HS6ST3: variants seen among roughly 807,000 people sequenced by gnomAD.
The protein encoded by HS6ST3 is heparan sulfate 6-O-sulfotransferase 3, also known as heparan-sulfate 6-O-sulfotransferase 3.
Under a neutral mutation model 36.7 loss-of-function variants are expected in HS6ST3, and 12 were observed. The ratio of observed to expected loss-of-function variants is 0.33; its 90% CI spans 0.21 to 0.53. The LOEUF (loss-of-function observed/expected upper bound fraction) is 0.53, where lower values mean the gene tolerates loss of function less well. HS6ST3 is among the 20% of genes least tolerant of loss of function. The pLI is 0.95. For missense variants in HS6ST3, 584 were observed against 640.9 expected, an observed-to-expected ratio of 0.91 and a Z score of 0.96; for synonymous variants, 240 against 257.5, an observed-to-expected ratio of 0.93 and a Z score of 0.65.
At chr13:96,150,627 T>G (rs2054080628) in intron 1 of HS6ST3, among the ~76,000 whole-genome samples, 1 of 152,300 alleles carries the variant, frequency 6.6e-6, no homozygotes, top group African/African-American at 2.4e-5. Context: ...AAAATGATTC[T>G]TCTGTCATTT....
chr13:96,758,603 C>G (rs949952322), intron 1 of HS6ST3, among the ~76,000 whole-genome samples: 2 of 151,814 alleles, frequency 1.3e-5, no homozygotes, highest in African/African-American at 4.8e-5. Flanking sequence ...TATTATCTAA[C>G]TTTCTTTGTA....
At chr13:96,657,130 A>G (rs1331653472) in intron 1 of HS6ST3, among the ~76,000 whole-genome samples, 1 of 152,074 alleles carries the variant, frequency 6.6e-6, no homozygotes, top group Non-Finnish European at 1.5e-5. Flanking sequence ...AACCATCCCT[A>G]ATATTTATTC....
intron 1 of HS6ST3, among the ~76,000 whole-genome samples, chr13:96,511,295 A>G (rs1206237191): frequency 6.6e-6 from 1 of 152,078 alleles, no homozygotes; most frequent in African/African-American, 2.4e-5. Flanking sequence ...GTCAGAGTTG[A>G]ACAATGTGAT....
At chr13:96,316,052 A>G (rs1441362637) in intron 1 of HS6ST3, among the ~76,000 whole-genome samples, 4 of 150,108 alleles carry the variant, frequency 2.7e-5, no homozygotes, top group Non-Finnish European at 4.4e-5. Context: ...GTTTGTATTG[A>G]ACACATATTT....
intron 1 of HS6ST3, among the ~76,000 whole-genome samples, chr13:96,245,536 C>G (rs896019983): frequency 7.9e-5 from 12 of 152,156 alleles, no homozygotes; most frequent in Admixed American, 5.9e-4. Context: ...AGGGTTCACT[C>G]TGGTCCTCTT....
chr13:96,672,920 A>G (rs2056687219), intron 1 of HS6ST3, among the ~76,000 whole-genome samples: 1 of 152,160 alleles, frequency 6.6e-6, no homozygotes, highest in Non-Finnish European at 1.5e-5. Context: ...TGTTGTAACA[A>G]ATGACAACAC....
chr13:96,795,166 T>C (rs185426343), intron 1 of HS6ST3, among the ~76,000 whole-genome samples: 5 of 152,028 alleles, frequency 3.3e-5, no homozygotes, highest in Non-Finnish European at 5.9e-5. Flanking sequence ...CTCTTTTTTT[T>C]AAATCTTCTT....
Position 96,180,194 on chromosome 13 carries a change from G to GCA in HS6ST3, c.707+88639_707+88640dup, listed in dbSNP as rs139357974. Among the ~76,000 whole-genome samples the GCA allele has an allele frequency of 2.4e-3, 356 of 150,888 alleles. 4 individuals carry two copies. The highest frequency in any genetic ancestry group is 9.6e-4 in the Non-Finnish European group (65 of 67,642). On this transcript the variant is annotated intron_variant, in intron 1 of 1. Transcript: ENST00000376705. ...TTCCCAACTATGCGGACATACACAC[G>GCA]CACACACACACACACGCCAACCAAC...
At chr13:96,310,225 A>G (rs1336370902) in intron 1 of HS6ST3, among the ~76,000 whole-genome samples, 1 of 152,206 alleles carries the variant, frequency 6.6e-6, no homozygotes, top group Non-Finnish European at 1.5e-5. Context: ...ATGCATATAC[A>G]TGTTCACATA....
At chr13:96,610,704 A>G (rs2056454245) in intron 1 of HS6ST3, among the ~76,000 whole-genome samples, 1 of 152,194 alleles carries the variant, frequency 6.6e-6, no homozygotes, top group African/African-American at 2.4e-5. Context: ...TACCTTCTCT[A>G]CTGAAATGTT....
At chr13:96,769,665 G>A (rs994934764) in intron 1 of HS6ST3, among the ~76,000 whole-genome samples, 2 of 151,244 alleles carry the variant, frequency 1.3e-5, no homozygotes, top group African/African-American at 4.9e-5. Flanking sequence ...AATAAAAGCA[G>A]ATAAACTGAT....
At chr13:96,316,384 A>C (rs140467704) in intron 1 of HS6ST3, among the ~76,000 whole-genome samples, 736 of 152,134 alleles carry the variant, frequency 4.8e-3, no homozygotes, top group Non-Finnish European at 7.4e-3. Context: ...ATAAAAAGTA[A>C]ACATAACTTC....
chr13:96,298,519 A>G (rs2054866435), intron 1 of HS6ST3, among the ~76,000 whole-genome samples: 2 of 152,176 alleles, frequency 1.3e-5, no homozygotes, highest in African/African-American at 2.4e-5. Context: ...CGGGTTTGTA[A>G]TTGTTCATTT....
chr13:96,317,809 G>C (rs1238990488), intron 1 of HS6ST3, among the ~76,000 whole-genome samples: 1 of 151,198 alleles, frequency 6.6e-6, no homozygotes, highest in Admixed American at 6.6e-5. Context: ...TTTCTCTTAT[G>C]ATTAATTATA....
intron 1 of HS6ST3, among the ~76,000 whole-genome samples, chr13:96,170,278 A>G (rs1011984281): frequency 1.3e-5 from 2 of 152,248 alleles, no homozygotes; most frequent in African/African-American, 2.4e-5. Flanking sequence ...AGCATCTTAC[A>G]GATAAGGACA....
rs966660252 is a variant in HS6ST3, at chr13:96,560,186, T to C, written c.708-272304T>C. On this transcript the variant is annotated intron_variant, in intron 1 of 1. Coordinates refer to ENST00000376705, the MANE Select transcript of HS6ST3 (RefSeq NM_153456.4). ...TGAGCGTGGGCCCCCTGAATGTGCT[T>C]GTTTGGGTTCAAAGATGTACATTGT... Among the ~76,000 whole-genome samples, 4 of 152,198 alleles carry C rather than the reference T, an allele frequency of 2.6e-5. No individual in the cohort carries two copies. In the East Asian group the frequency reaches 7.7e-4, roughly 29 times the overall value.
At chr13:96,447,554 G>T (rs781554138) in intron 1 of HS6ST3, among the ~76,000 whole-genome samples, 1 of 152,204 alleles carries the variant, frequency 6.6e-6, no homozygotes, top group South Asian at 2.1e-4. Flanking sequence ...CAAACATGGC[G>T]ATTCCTGCTG....
chr13:96,294,282 A>G (rs1357148033), intron 1 of HS6ST3, among the ~76,000 whole-genome samples: 2 of 152,196 alleles, frequency 1.3e-5, no homozygotes, highest in African/African-American at 2.4e-5. Context: ...CAATTTCTAT[A>G]TAGGTATCTT....
At chr13:96,733,938 A>T (rs1333075333) in intron 1 of HS6ST3, among the ~76,000 whole-genome samples, 1 of 152,100 alleles carries the variant, frequency 6.6e-6, no homozygotes, top group African/African-American at 2.4e-5. Context: ...CACCTAGACC[A>T]CTGCTACAGA....
Sources: allele counts gnomAD v4.1 joint callset (sites outside exome capture counted in the v4.1 genomes callset), GRCh38; gene constraint gnomAD v4.1.1; transcripts MANE v1.5; gene names NCBI Gene and HGNC (gene_info 2026-07-23, HGNC 2026-07-21).